Variants in IL1R2 observed in about 807,000 individuals in gnomAD.
IL1R2 encodes interleukin 1 receptor type 2.
Under a neutral mutation model 39.5 loss-of-function variants are expected in IL1R2, and 46 were observed. That is an observed-to-expected ratio of 1.16 (90% confidence interval 0.92 to 1.49). The LOEUF is 1.49. Among genes scored for constraint, IL1R2 ranks in the 40% most tolerant of loss-of-function variants. The pLI is 0.00. For missense variants in IL1R2, 537 were observed against 502.0 expected (o/e 1.07, Z -0.67); for synonymous variants, 207 against 189.6 (o/e 1.09, Z -0.75).
At chr2:102,016,134 T>G in intron 4 of IL1R2, 83 bp downstream of exon 4, 1 of 1,105,368 alleles carries the variant, frequency 9.0e-7, no homozygotes, top group Non-Finnish European at 1.3e-6. Flanking sequence ...AATATCGATT[T>G]TCTGAAGACA....
intron 4 of IL1R2, 40 bp downstream of exon 4, chr2:102,016,091 TC>T (rs779073416): frequency 6.6e-7 from 1 of 1,524,440 alleles, no homozygotes. Flanking sequence ...AAATGTGTTT[TC>T]TTTTTTTACT....
chr2:102,016,097 T>C, intron 4 of IL1R2, 46 bp downstream of exon 4: 1 of 1,456,156 alleles, frequency 6.9e-7, no homozygotes, highest in Non-Finnish European at 9.5e-7. Flanking sequence ...GTTTTCTTTT[T>C]TTACTAGCCA....
rs1030206723 is a variant in IL1R2, at chr2:102,017,258, G to A, written c.513+1207G>A. Among the ~76,000 whole-genome samples the A allele has an allele frequency of 8.5e-5, 13 of 152,120 alleles. No homozygotes were observed. The South Asian group carries it at 1.2e-3, about 15-fold the overall frequency. ...ACTAAAAATAAAAAATTAGCTGGGCGTGGTAGTGGGTGCCAGTAATCCTGG... is the reference window on the plus strand; with the variant it reads ...ACTAAAAATAAAAAATTAGCTGGGCATGGTAGTGGGTGCCAGTAATCCTGG... On this transcript the variant is annotated intron_variant, in intron 4 of 8. Coordinates refer to ENST00000332549, the MANE Select transcript of IL1R2 (RefSeq NM_004633.4).
chr2:102,001,372 G>T (rs1675849415), intron 1 of IL1R2, among the ~76,000 whole-genome samples: 1 of 152,180 alleles, frequency 6.6e-6, no homozygotes, highest in Admixed American at 6.5e-5. Context: ...AGCCCAATGT[G>T]GCCTAATGCC....
intron 1 of IL1R2, among the ~76,000 whole-genome samples, chr2:101,993,825 C>G (rs977204154): frequency 6.6e-5 from 10 of 152,196 alleles, no homozygotes; most frequent in African/African-American, 2.4e-4. Flanking sequence ...CAAGACCCTA[C>G]ATTGCCCTGA....
chr2:102,012,066 AGT>A (rs1676671851), intron 3 of IL1R2, among the ~76,000 whole-genome samples: 1 of 152,166 alleles, frequency 6.6e-6, no homozygotes, highest in Non-Finnish European at 1.5e-5. Flanking sequence ...TTTTAGGCCT[AGT>A]GTTGGTGATC....
chr2:102,024,655 G>T lies in IL1R2; in HGVS notation c.874G>T (p.Glu292Ter), dbSNP rs3218976. The change falls in exon 7 of 9, where the codon GAG becomes TAG. Residue 292 changes from glutamate (E) to a stop codon, truncating the protein, a stop_gained. Coordinates refer to ENST00000332549, the MANE Select transcript of IL1R2 (RefSeq NM_004633.4). LOFTEE classifies it high-confidence loss of function. ...CGCCTACCCGGGAGGCCGCGTGACC[G>T]AGGGGCCACGCCAGTAAGTGGGCCA... ...ESAYPGGRVT[E>*]GPRQEYSENN... 2.3e-5 allele frequency: 37 copies of T among 1,613,842 alleles called. No individual in the cohort carries two copies. The highest frequency in any genetic ancestry group is 2.7e-5 in the Non-Finnish European group (32 of 1,179,852).
chr2:102,018,928 G>A (rs1249080952), intron 4 of IL1R2, among the ~76,000 whole-genome samples: 1 of 152,140 alleles, frequency 6.6e-6, no homozygotes, highest in Non-Finnish European at 1.5e-5. Context: ...GTTCTCGTTC[G>A]GAGTAAGATT....
chr2:102,014,131 A>G (rs1465034710), intron 3 of IL1R2, among the ~76,000 whole-genome samples: 2 of 152,226 alleles, frequency 1.3e-5, no homozygotes, highest in Non-Finnish European at 2.9e-5. Context: ...CAATATGTCT[A>G]CTAAGCTTGG....
chr2:102,023,473 G>A (rs1248211531), intron 6 of IL1R2: 1 of 152,260 alleles, frequency 6.6e-6, no homozygotes, highest in East Asian at 1.9e-4. Flanking sequence ...ACGTGACACT[G>A]ATTAGTAGGT....
At chr2:102,016,554 G>A (rs1677016438) in intron 4 of IL1R2, 1 of 153,544 alleles carries the variant, frequency 6.5e-6, no homozygotes, top group East Asian at 1.9e-4. Flanking sequence ...CAGGTTTGTC[G>A]CCTAGGAGCA....
chr2:102,003,108 ATGTC>A (rs1324708188), intron 1 of IL1R2, among the ~76,000 whole-genome samples: 1 of 59,432 alleles, frequency 1.7e-5, no homozygotes, highest in East Asian at 4.7e-4. Flanking sequence ...GTCTGTGTCT[ATGTC>A]TGTGTCTGTG....
intron 1 of IL1R2, among the ~76,000 whole-genome samples, chr2:102,001,131 C>G (rs1350670507): frequency 6.6e-6 from 1 of 152,148 alleles, no homozygotes; most frequent in Non-Finnish European, 1.5e-5. Flanking sequence ...TTGGAATGAC[C>G]CAGACTCACA....
intron 1 of IL1R2, among the ~76,000 whole-genome samples, chr2:102,003,643 T>C (rs1676060626): frequency 7.6e-6 from 1 of 130,790 alleles, no homozygotes; most frequent in Non-Finnish European, 1.6e-5. Flanking sequence ...TCTGTGTCTG[T>C]GTCTGGCTGT....
At position 102,006,500 on chromosome 2, in the gene IL1R2, C is replaced by T. The variant is rs189904908; in HGVS notation, c.-61-2015C>T. On this transcript the variant is annotated intron_variant, in intron 1 of 8. Transcript: ENST00000332549. ...CTCACGAGGGAGGGTTTCTGGAGTG[C>T]GAGGGTCGGTTCCTCAATGCCGCAA... is the stretch of plus-strand genomic sequence containing the variant. Among the ~76,000 whole-genome samples, 395 of 152,238 alleles carry T rather than the reference C, an allele frequency of 2.6e-3. 10 individuals carry two copies. Among genetic ancestry groups the T allele is most frequent in the Admixed American group, 0.023 (357 of 15,294 alleles).
chr2:102,008,486 C>A, intron 1 of IL1R2, 29 bp from the exon 2 acceptor site: 2 of 979,540 alleles, frequency 2.0e-6, no homozygotes, highest in South Asian at 1.3e-5. Flanking sequence ...GTTCTTGGTT[C>A]CTGGTGACAC....
intron 3 of IL1R2, 59 bp downstream of exon 3, chr2:102,009,885 G>A: frequency 3.2e-6 from 5 of 1,563,516 alleles, no homozygotes; most frequent in Non-Finnish European, 4.4e-6. Context: ...GCTTGTGAGG[G>A]TCTTCAGTCA....
At chr2:102,007,183 GT>G (rs1227219830) in intron 1 of IL1R2, among the ~76,000 whole-genome samples, 1 of 152,176 alleles carries the variant, frequency 6.6e-6, no homozygotes, top group Non-Finnish European at 1.5e-5. Flanking sequence ...ACTTGTGATA[GT>G]GTGAGAAGGT....
intron 7 of IL1R2, chr2:102,024,920 A>C: frequency 2.2e-6 from 1 of 459,898 alleles, no homozygotes. Context: ...CTGTTTCATT[A>C]AACATTGATC....
Sources: gnomAD v4.1 joint callset for allele counts (sites outside exome capture counted in the v4.1 genomes callset) on GRCh38, gnomAD v4.1.1 for gene constraint, MANE v1.5 for transcripts, NCBI Gene and HGNC (gene_info 2026-07-23, HGNC 2026-07-21) for gene names.